The following NKAIN3 variants were observed in gnomAD, a reference collection of about 807,000 sequenced individuals.
NKAIN3 encodes the protein sodium/potassium-transporting ATPase subunit beta-1-interacting protein 3.
Under a neutral mutation model 30.2 loss-of-function variants are expected in NKAIN3, and 25 were observed. The ratio of observed to expected loss-of-function variants is 0.83; its 90% CI spans 0.60 to 1.16. NKAIN3 has a LOEUF of 1.16. Ranked by LOEUF, NKAIN3 falls within the 50% of genes most tolerant of loss-of-function variation. The probability of loss-of-function intolerance (pLI) is 0.00; values close to 1 mark genes in which losing one functional copy is unlikely to be tolerated. For synonymous variants in NKAIN3, 91 were observed against 89.6 expected (o/e 1.02, Z -0.09); for missense variants, 225 against 254.1 (o/e 0.89, Z 0.78).
At chr8:62,405,729 G>A (rs1178987539) in intron 1 of NKAIN3, among the ~76,000 whole-genome samples, 1 of 152,174 alleles carries the variant, frequency 6.6e-6, no homozygotes, top group Admixed American at 6.5e-5. Flanking sequence ...TTGCTCACCT[G>A]ATTACTGGTT....
intron 3 of NKAIN3, among the ~76,000 whole-genome samples, chr8:62,718,720 T>C (rs1368659874): frequency 6.6e-6 from 1 of 152,204 alleles, no homozygotes; most frequent in Admixed American, 6.5e-5. Flanking sequence ...AACCATTTTC[T>C]TTGCTATATT....
chr8:62,638,578 G>A (rs1563494992), intron 3 of NKAIN3, among the ~76,000 whole-genome samples: 1 of 152,096 alleles, frequency 6.6e-6, no homozygotes, highest in Non-Finnish European at 1.5e-5. Context: ...TATTGTGTGG[G>A]TGCAGAACTA....
chr8:62,517,530 C>T (rs1808029710), intron 1 of NKAIN3, among the ~76,000 whole-genome samples: 1 of 152,052 alleles, frequency 6.6e-6, no homozygotes, highest in Admixed American at 6.6e-5. Flanking sequence ...AGCTTTAGAT[C>T]GAAGTGACAC....
At chr8:62,419,565 C>G (rs1217913293) in intron 1 of NKAIN3, among the ~76,000 whole-genome samples, 1 of 152,134 alleles carries the variant, frequency 6.6e-6, no homozygotes, top group African/African-American at 2.4e-5. Context: ...GTTTTTGCTG[C>G]TAATAGGTTG....
At chr8:62,816,119 A>G (rs1031503866) in intron 4 of NKAIN3, among the ~76,000 whole-genome samples, 12 of 152,080 alleles carry the variant, frequency 7.9e-5, no homozygotes, top group African/African-American at 2.9e-4. Context: ...ATGTCCCTAC[A>G]TTGACGTTTG....
At chr8:62,845,285 TTATA>T (rs10525699) in intron 4 of NKAIN3, among the ~76,000 whole-genome samples, 1,043 of 68,922 alleles carry the variant, frequency 0.015, 71 homozygotes, top group Middle Eastern at 0.047. Flanking sequence ...GGATAGTAGA[TTATA>T]TATATATATA....
At chr8:62,322,934 A>T (rs1814987421) in intron 1 of NKAIN3, among the ~76,000 whole-genome samples, 1 of 152,234 alleles carries the variant, frequency 6.6e-6, no homozygotes, top group African/African-American at 2.4e-5. Context: ...ATCATATGTC[A>T]TCCACATCAT....
At chr8:62,715,458 A>G (rs1042333932) in intron 3 of NKAIN3, among the ~76,000 whole-genome samples, 2 of 152,214 alleles carry the variant, frequency 1.3e-5, no homozygotes, top group African/African-American at 4.8e-5. Flanking sequence ...GTAACTGAGA[A>G]TGACAGCCTT....
intron 1 of NKAIN3, among the ~76,000 whole-genome samples, chr8:62,506,864 A>G (rs1476441682): frequency 6.6e-6 from 1 of 152,132 alleles, no homozygotes; most frequent in Non-Finnish European, 1.5e-5. Context: ...AGAACATTGG[A>G]GATCCCTCTT....
At chr8:62,926,001 C>T (rs1822430851) in intron 5 of NKAIN3, among the ~76,000 whole-genome samples, 1 of 152,112 alleles carries the variant, frequency 6.6e-6, no homozygotes, top group African/African-American at 2.4e-5. Flanking sequence ...CAGTGCCAGG[C>T]TGTGCAGCAC....
chr8:62,677,598 T>C (rs1247495029), intron 3 of NKAIN3, among the ~76,000 whole-genome samples: 1 of 152,224 alleles, frequency 6.6e-6, no homozygotes, highest in Admixed American at 6.5e-5. Flanking sequence ...TATGTTCACC[T>C]AATATGGAAC....
At chr8:62,694,058 T>G (rs537263707) in intron 3 of NKAIN3, among the ~76,000 whole-genome samples, 13 of 152,378 alleles carry the variant, frequency 8.5e-5, no homozygotes, top group African/African-American at 2.9e-4. Flanking sequence ...TATCCATTAC[T>G]TCACATATTT....
At position 62,965,498 on chromosome 8, in the gene NKAIN3, C is replaced by T. The variant is rs1427036524; in HGVS notation, c.*91C>T. The stretch of plus-strand genomic sequence containing the variant: ...TAGACTGTGCTTCCTGGCTTTCCCA[C>T]GAATCATGGAGCATTTTGGTCACAG... On this transcript the variant is annotated 3_prime_UTR_variant, in exon 7 of 7. Transcript: ENST00000623646. 4.7e-5 allele frequency: 46 copies of T among 985,174 alleles called. No homozygotes were observed. Among genetic ancestry groups the T allele is most frequent in the Non-Finnish European group, 4.9e-5 (41 of 829,872 alleles). 61.0% of individuals were successfully genotyped at this position (985,174 alleles called of 1,614,324 possible).
downstream of NKAIN3, among the ~76,000 whole-genome samples, chr8:62,986,187 T>G (rs1292353809): frequency 2.0e-5 from 3 of 152,160 alleles, no homozygotes; most frequent in Admixed American, 2.0e-4. Context: ...AGATCTGTGC[T>G]AAAGAATCCA....
intron 4 of NKAIN3, among the ~76,000 whole-genome samples, chr8:62,822,338 T>C (rs1393310484): frequency 3.3e-5 from 5 of 152,174 alleles, no homozygotes; most frequent in Non-Finnish European, 7.3e-5. Context: ...TTGAAATCTT[T>C]AATATAAGAA....
chr8:62,757,922 A>G (rs1388217707), intron 4 of NKAIN3, among the ~76,000 whole-genome samples: 1 of 152,170 alleles, frequency 6.6e-6, no homozygotes, highest in Non-Finnish European at 1.5e-5. Flanking sequence ...GGTGACATAT[A>G]TGGAGTCCTG....
chr8:62,874,806 G>A (rs1820745158), intron 4 of NKAIN3, among the ~76,000 whole-genome samples: 1 of 152,094 alleles, frequency 6.6e-6, no homozygotes. Flanking sequence ...AGGTATTGAT[G>A]GAATATATCT....
intron 1 of NKAIN3, among the ~76,000 whole-genome samples, chr8:62,325,297 C>A (rs1175704624): frequency 1.3e-5 from 2 of 152,102 alleles, no homozygotes; most frequent in East Asian, 3.9e-4. Flanking sequence ...CACATTGCTA[C>A]AAGAGACATT....
intron 1 of NKAIN3, among the ~76,000 whole-genome samples, chr8:62,466,481 T>C (rs376431743): frequency 1.3e-5 from 2 of 152,178 alleles, no homozygotes; most frequent in South Asian, 4.1e-4. Flanking sequence ...AAATGAGCCA[T>C]ATGCATCTGG....
Sources: gnomAD v4.1 joint callset for allele counts (sites outside exome capture counted in the v4.1 genomes callset) on GRCh38, gnomAD v4.1.1 for gene constraint, MANE v1.5 for transcripts, NCBI Gene and HGNC (gene_info 2026-07-23, HGNC 2026-07-21) for gene names.